Variants in DIP2C observed in about 807,000 individuals in gnomAD.
DIP2C encodes the protein DIP2 acetate--CoA ligase C (putative).
In DIP2C, 33 loss-of-function variants were observed where a neutral mutation model predicts 192.4. That is an observed-to-expected ratio of 0.17 (90% CI 0.13 to 0.23). DIP2C has a LOEUF of 0.23. DIP2C is among the 10% of genes least tolerant of loss of function. DIP2C has a pLI of 1.00. For synonymous variants in DIP2C, 979 were observed against 864.1 expected (o/e 1.13, Z -2.33); for missense variants, 1,537 against 2,110.1 (o/e 0.73, Z 5.32).
At chr10:527,737 T>C (rs945661529) in intron 1 of DIP2C, among the ~76,000 whole-genome samples, 1 of 152,192 alleles carries the variant, frequency 6.6e-6, no homozygotes, top group African/African-American at 2.4e-5. Flanking sequence ...ATGAGTGAGA[T>C]GGTTGGCCTA....
chr10:414,741 AC>A (rs1965467726), intron 7 of DIP2C, among the ~76,000 whole-genome samples: 1 of 62,772 alleles, frequency 1.6e-5, no homozygotes, highest in African/African-American at 9.3e-5. Context: ...GTGTGTGTGT[AC>A]ATATATATAT....
chr10:374,152 GGTTT>G lies in DIP2C; in HGVS notation c.1992-4523_1992-4520del, dbSNP rs1413972250. On this transcript the variant is annotated intron_variant, in intron 17 of 36. Transcript: ENST00000280886. ...GGTGTGTGCACCACTGAATTCAGCT[GGTTT>G]GTTACACACAGTGTTTAGTAATACA... Among the ~76,000 whole-genome samples the G allele has an allele frequency of 3.9e-5, 6 of 152,016 alleles. No homozygotes were observed. The South Asian group carries it at 1.0e-3, about 26-fold the overall frequency.
chr10:648,846 G>A (rs1855670904), intron 1 of DIP2C, among the ~76,000 whole-genome samples: 1 of 149,896 alleles, frequency 6.7e-6, no homozygotes, highest in Non-Finnish European at 1.5e-5. Flanking sequence ...CGGTGGGCGA[G>A]AACAGAGGAA....
At chr10:657,684 GCTGGACCTGACA>G (rs1856457846) in intron 1 of DIP2C, among the ~76,000 whole-genome samples, 1 of 82,574 alleles carries the variant, frequency 1.2e-5, no homozygotes, top group Non-Finnish European at 2.5e-5. Context: ...TGGACCTGAT[GCTGGACCTGACA>G]CTGGACCTGC....
At chr10:357,769 G>T in intron 23 of DIP2C, 59 bp downstream of exon 23, 1 of 1,346,508 alleles carries the variant, frequency 7.4e-7, no homozygotes, top group Non-Finnish European at 1.1e-6. Flanking sequence ...GTCGCAGATG[G>T]TCGGGGACAG....
intron 1 of DIP2C, among the ~76,000 whole-genome samples, chr10:563,618 G>GA (rs1849323864): frequency 6.6e-6 from 1 of 152,148 alleles, no homozygotes; most frequent in African/African-American, 2.4e-5. Context: ...CAATGAAAAT[G>GA]AAAAAGAAAC....
At chr10:412,199 G>C (rs1589731033) in intron 8 of DIP2C, among the ~76,000 whole-genome samples, 1 of 152,232 alleles carries the variant, frequency 6.6e-6, no homozygotes, top group Non-Finnish European at 1.5e-5. Context: ...CGTGAGAACT[G>C]TGTCTTATTG....
At chr10:412,902 A>G (rs1300231128) in intron 8 of DIP2C, among the ~76,000 whole-genome samples, 1 of 152,256 alleles carries the variant, frequency 6.6e-6, no homozygotes, top group Non-Finnish European at 1.5e-5. Context: ...TTAAAATTTC[A>G]GCTATCAACA....
At chr10:605,917 C>T (rs1205609112) in intron 1 of DIP2C, among the ~76,000 whole-genome samples, 2 of 152,180 alleles carry the variant, frequency 1.3e-5, no homozygotes, top group Non-Finnish European at 2.9e-5. Context: ...CCTTTCAGGC[C>T]GTGCCATTTC....
At chr10:371,091 C>T (rs115102130) in intron 17 of DIP2C, among the ~76,000 whole-genome samples, 212 of 152,228 alleles carry the variant, frequency 1.4e-3, no homozygotes, top group African/African-American at 4.8e-3. Flanking sequence ...CTAGAGACCC[C>T]AAACAAATCA....
At chr10:433,837 T>C (rs890791212) in intron 4 of DIP2C, among the ~76,000 whole-genome samples, 1 of 152,248 alleles carries the variant, frequency 6.6e-6, no homozygotes, top group African/African-American at 2.4e-5. Flanking sequence ...TGAGTAATGA[T>C]ATACAGTTGA....
At chr10:653,948 A>G (rs1856117457) in intron 1 of DIP2C, among the ~76,000 whole-genome samples, 1 of 152,196 alleles carries the variant, frequency 6.6e-6, no homozygotes, top group African/African-American at 2.4e-5. Flanking sequence ...TGGATGCACT[A>G]AAAGCATCTC....
chr10:383,063 G>A (rs1222541925), intron 16 of DIP2C, among the ~76,000 whole-genome samples: 1 of 152,150 alleles, frequency 6.6e-6, no homozygotes, highest in Non-Finnish European at 1.5e-5. Flanking sequence ...CAAGACAGGG[G>A]TAAATCTAAA....
At chr10:352,078 G>A (rs1958839451) in intron 24 of DIP2C, among the ~76,000 whole-genome samples, 1 of 152,232 alleles carries the variant, frequency 6.6e-6, no homozygotes, top group Non-Finnish European at 1.5e-5. Context: ...AGGCCTGCCT[G>A]CAGCAGCAGT....
intron 1 of DIP2C, among the ~76,000 whole-genome samples, chr10:593,557 C>CA (rs1851529267): frequency 6.9e-6 from 1 of 145,656 alleles, no homozygotes; most frequent in Admixed American, 7.1e-5. Context: ...CCCTGACTTC[C>CA]AACCCTCTCC....
intron 34 of DIP2C, among the ~76,000 whole-genome samples, chr10:285,345 C>T (rs1029141515): frequency 5.9e-5 from 9 of 152,134 alleles, no homozygotes; most frequent in Non-Finnish European, 1.2e-4. Flanking sequence ...GTTCTTAGCA[C>T]GCCTCCCACA....
At chr10:499,227 G>A (rs1252245006) in intron 1 of DIP2C, among the ~76,000 whole-genome samples, 1 of 152,188 alleles carries the variant, frequency 6.6e-6, no homozygotes, top group Non-Finnish European at 1.5e-5. Flanking sequence ...ACACAGCTGA[G>A]GTTTCCCACA....
At chr10:344,558 G>A (rs192278876) in intron 28 of DIP2C, among the ~76,000 whole-genome samples, 28 of 152,310 alleles carry the variant, frequency 1.8e-4, no homozygotes, top group Admixed American at 8.5e-4. Context: ...AAAAACATTC[G>A]CAGTGTTCTA....
intron 13 of DIP2C, 138 bp downstream of exon 13, chr10:389,853 C>G: frequency 1.4e-6 from 1 of 715,802 alleles, no homozygotes; most frequent in Non-Finnish European, 2.4e-6. Context: ...TATCCTAACT[C>G]AACAATAAGT....
Sources: allele counts gnomAD v4.1 joint callset (sites outside exome capture counted in the v4.1 genomes callset), GRCh38; gene constraint gnomAD v4.1.1; transcripts MANE v1.5; gene names NCBI Gene and HGNC (gene_info 2026-07-23, HGNC 2026-07-21).